Variants in RGS7 observed in about 807,000 individuals in gnomAD.
RGS7 encodes regulator of G-protein signaling 7.
Under a neutral mutation model 81.1 loss-of-function variants are expected in RGS7, and 27 were observed. The observed-to-expected ratio is 0.33, with a 90% CI of 0.25 to 0.46. RGS7 has a LOEUF of 0.46. Ranked by LOEUF, RGS7 falls within the 20% of genes least tolerant of loss-of-function variation. The pLI is 1.00. For synonymous variants in RGS7, 208 were observed against 207.7 expected (o/e 1.00, Z -0.01); for missense variants, 396 against 607.4 (o/e 0.65, Z 3.66).
In RGS7 at chr1:241,271,767, T is replaced by A. The variant is rs1384337833; in HGVS notation, c.78+83932A>T. Reference sequence around the variant, plus strand: ...GTGGGATTTACACCAGCATCATTTCTGGTTCTCAGGACTCTGGAATCAGAC... The same window carrying A: ...GTGGGATTTACACCAGCATCATTTCAGGTTCTCAGGACTCTGGAATCAGAC... On this transcript the variant is annotated intron_variant, in intron 2 of 18. Transcript: ENST00000440928. This position sits in a 1 kb window ranked among gnomAD's most constrained non-coding sequence, Gnocchi z 4.6. 6.6e-6 allele frequency among the ~76,000 whole-genome samples: 1 copy of A among 152,172 alleles called. No homozygotes were observed. Among genetic ancestry groups the A allele is most frequent in the Non-Finnish European group, 1.5e-5 (1 of 68,038 alleles).
chr1:241,266,284 T>C (rs762344258), intron 2 of RGS7, among the ~76,000 whole-genome samples: 6 of 152,230 alleles, frequency 3.9e-5, no homozygotes, highest in Non-Finnish European at 8.8e-5. Context: ...TTCAAGACTG[T>C]TATTCACCTA....
rs147955944 is a variant in RGS7, at chr1:241,189,843, C to T, written c.79-91081G>A. 8.3e-3 allele frequency among the ~76,000 whole-genome samples: 1,257 copies of T among 152,196 alleles called. 16 individuals are homozygous for T. Among genetic ancestry groups the T allele is most frequent in the African/African-American group, 0.026 (1,064 of 41,518 alleles). On this transcript the variant is annotated intron_variant, in intron 2 of 18. Coordinates refer to ENST00000440928, the MANE Select transcript of RGS7 (RefSeq NM_001364886.1). ...AAAAATCAATTGGTCAGGCTGGGCG[C>T]GGTGGCTCACGTCTGTAATCCCAGC... is the stretch of plus-strand genomic sequence containing the variant.
At chr1:240,954,818 C>A (rs981815275) in intron 4 of RGS7, among the ~76,000 whole-genome samples, 1 of 152,098 alleles carries the variant, frequency 6.6e-6, no homozygotes, top group Admixed American at 6.5e-5. Flanking sequence ...CCTTTGTTTG[C>A]AGATGATTAT....
At chr1:240,842,409 C>CTCAA (rs1658235010) in intron 9 of RGS7, among the ~76,000 whole-genome samples, 1 of 151,630 alleles carries the variant, frequency 6.6e-6, no homozygotes, top group South Asian at 2.1e-4. Context: ...TCAGGTTGGT[C>CTCAA]TCAAACTCCT....
intron 2 of RGS7, among the ~76,000 whole-genome samples, chr1:241,242,530 T>A (rs2076315718): frequency 6.6e-6 from 1 of 152,184 alleles, no homozygotes; most frequent in Non-Finnish European, 1.5e-5. Context: ...AGTTCTACTT[T>A]TAGTTCTTTA....
At chr1:240,881,618 T>C (rs1666409347) in intron 6 of RGS7, among the ~76,000 whole-genome samples, 1 of 152,194 alleles carries the variant, frequency 6.6e-6, no homozygotes, top group African/African-American at 2.4e-5. Flanking sequence ...AGCAATGCAC[T>C]TATAAGAATG....
chr1:240,801,621 C>A, intron 16 of RGS7, 113 bp from the exon 17 acceptor site: 2 of 779,942 alleles, frequency 2.6e-6, no homozygotes, highest in Non-Finnish European at 4.4e-6. Flanking sequence ...GATGCAACAC[C>A]AAATCCATGT....
intron 2 of RGS7, among the ~76,000 whole-genome samples, chr1:241,345,327 A>G (rs1226958627): frequency 6.6e-6 from 1 of 152,186 alleles, no homozygotes; most frequent in Non-Finnish European, 1.5e-5. Context: ...AATCTGTACA[A>G]CAAACCCCCA....
intron 4 of RGS7, among the ~76,000 whole-genome samples, chr1:240,940,018 T>G (rs1439917753): frequency 6.6e-6 from 1 of 152,104 alleles, no homozygotes; most frequent in East Asian, 1.9e-4. Flanking sequence ...AGGTGGAGGT[T>G]GTAGTTAGCA....
At chr1:240,798,639 A>C (rs1427628985) in intron 18 of RGS7, among the ~76,000 whole-genome samples, 1 of 152,126 alleles carries the variant, frequency 6.6e-6, no homozygotes, top group Non-Finnish European at 1.5e-5. Context: ...TTGACCCTTT[A>C]AATTTCTTAC....
At chr1:241,312,526 G>C (rs1453807578) in intron 2 of RGS7, among the ~76,000 whole-genome samples, 1 of 152,114 alleles carries the variant, frequency 6.6e-6, no homozygotes, top group Non-Finnish European at 1.5e-5. Context: ...ATGGTGATCT[G>C]TGATCAGTGA....
Position 240,800,619 on chromosome 1 carries a change from G to A in RGS7, c.*6+22C>T. ...CAACAGACAATGCAGACAAACTTGA[G>A]TATAAACCAAGATTTTTCTACCTCT... On this transcript the variant is annotated intron_variant, in intron 18 of 18. Coordinates refer to ENST00000440928, the MANE Select transcript of RGS7 (RefSeq NM_001364886.1). 4 of 1,476,598 alleles carry A rather than the reference G, an allele frequency of 2.7e-6. No homozygotes were observed. In the South Asian group the frequency reaches 3.7e-5, roughly 14 times the overall value. The allele number at this position is 1,476,598 out of a possible 1,614,324, so 91.5% of individuals were successfully genotyped here. A position where few individuals can be genotyped will look rare whatever the true frequency, so the allele number is the denominator to read the frequency against.
intron 2 of RGS7, among the ~76,000 whole-genome samples, chr1:241,300,558 C>G (rs1358126541): frequency 6.6e-6 from 1 of 152,186 alleles, no homozygotes; most frequent in Non-Finnish European, 1.5e-5. Context: ...ACTTAGCATG[C>G]ATTTAAGGTT....
chr1:240,856,682 C>T (rs1398411721), intron 9 of RGS7, among the ~76,000 whole-genome samples: 5 of 152,062 alleles, frequency 3.3e-5, no homozygotes, highest in Admixed American at 3.3e-4. Context: ...TCCATACAAC[C>T]GTGGTGCAAC....
intron 18 of RGS7, 25 bp from the exon 19 acceptor site, chr1:240,776,238 AAAAG>A: frequency 6.4e-7 from 1 of 1,562,146 alleles, no homozygotes; most frequent in Non-Finnish European, 8.8e-7. Flanking sequence ...AAAACAAGAG[AAAAG>A]AAAGAAAATC....
chr1:240,951,183 G>C (rs1326017937), intron 4 of RGS7, among the ~76,000 whole-genome samples: 1 of 152,120 alleles, frequency 6.6e-6, no homozygotes, highest in Non-Finnish European at 1.5e-5. Context: ...GCCTACCAAA[G>C]TGCTGGGATT....
chr1:241,011,128 G>A (rs1472124376), intron 3 of RGS7, among the ~76,000 whole-genome samples: 1 of 152,140 alleles, frequency 6.6e-6, no homozygotes, highest in Non-Finnish European at 1.5e-5. Context: ...TCCCCAGGGA[G>A]CTAATCTGTC....
intron 2 of RGS7, among the ~76,000 whole-genome samples, chr1:241,330,469 T>C (rs1487589659): frequency 1.3e-5 from 2 of 152,186 alleles, no homozygotes; most frequent in African/African-American, 2.4e-5. Context: ...CTTGAAGACA[T>C]ACCAGTTATA....
At chr1:241,280,201 G>T (rs2078426308) in intron 2 of RGS7, among the ~76,000 whole-genome samples, 1 of 152,178 alleles carries the variant, frequency 6.6e-6, no homozygotes, top group African/African-American at 2.4e-5. Flanking sequence ...TTTGGACACA[G>T]GTGGGCACAC....
Sources: allele counts gnomAD v4.1 joint callset (sites outside exome capture counted in the v4.1 genomes callset), GRCh38; gene constraint gnomAD v4.1.1; non-coding constraint Gnocchi (gnomAD v3.1); transcripts MANE v1.5; gene names NCBI Gene and HGNC (gene_info 2026-07-23, HGNC 2026-07-21).